Variants in PADI2 observed in about 807,000 individuals in gnomAD.
PADI2 encodes the protein peptidyl arginine deiminase 2, also known as protein-arginine deiminase type-2.
A neutral mutation model predicts 81.1 loss-of-function variants in PADI2; 70 were observed. The ratio of observed to expected loss-of-function variants is 0.86; its 90% CI spans 0.71 to 1.05. PADI2 has a LOEUF of 1.05. Among genes scored for constraint, PADI2 ranks in the 50% least tolerant of loss-of-function variants. The pLI, the probability that PADI2 is intolerant of heterozygous loss-of-function variation, is 0.00. For missense variants in PADI2, 853 were observed against 889.9 expected, an observed-to-expected ratio of 0.96 and a Z score of 0.53; for synonymous variants, 338 against 358.0, an observed-to-expected ratio of 0.94 and a Z score of 0.63.
chr1:17,092,231 G>A (rs112156823), intron 6 of PADI2, among the ~76,000 whole-genome samples, 177 bp downstream of exon 6: 58 of 152,162 alleles, frequency 3.8e-4, no homozygotes, highest in African/African-American at 1.3e-3. Flanking sequence ...GAGGAGGAGC[G>A]ATGTGTCCCC....
chr1:17,070,603 G>A (rs1463099948), intron 14 of PADI2, among the ~76,000 whole-genome samples: 5 of 152,192 alleles, frequency 3.3e-5, no homozygotes, highest in East Asian at 1.9e-4. Context: ...TGTTCTAAGC[G>A]CATTACATAG....
rs1175971684 is a variant in PADI2, at chr1:17,078,653, G to T, written c.1310+611C>A. ...TCTGCTTGCCTCGGCCTCCCAAAGT[G>T]CTGGGACTATAGGCATGGGCCACTG... On this transcript the variant is annotated intron_variant, in intron 11 of 15. Transcript: ENST00000375486. 2.0e-5 allele frequency among the ~76,000 whole-genome samples: 3 copies of T among 152,146 alleles called. No individual in the cohort carries two copies. The East Asian group carries it at 5.8e-4, about 29-fold the overall frequency.
At chr1:17,087,746 T>C (rs1251696335) in intron 6 of PADI2, among the ~76,000 whole-genome samples, 5 of 152,130 alleles carry the variant, frequency 3.3e-5, no homozygotes, top group South Asian at 4.1e-4. Context: ...CTTTAGTGAT[T>C]TGCCTGCCTT....
chr1:17,101,200 C>T (rs1275063455), intron 3 of PADI2, among the ~76,000 whole-genome samples: 3 of 152,146 alleles, frequency 2.0e-5, no homozygotes, highest in Non-Finnish European at 2.9e-5. Flanking sequence ...CAACTCTGAG[C>T]GGGCTTCCTC....
At chr1:17,078,338 C>T (rs1352881542) in intron 11 of PADI2, among the ~76,000 whole-genome samples, 2 of 152,058 alleles carry the variant, frequency 1.3e-5, no homozygotes, top group African/African-American at 4.8e-5. Context: ...CTCAAACTCC[C>T]GACCTCAGGT....
At chr1:17,069,584 T>C (rs1431908254) in intron 15 of PADI2, among the ~76,000 whole-genome samples, 1 of 152,184 alleles carries the variant, frequency 6.6e-6, no homozygotes, top group Non-Finnish European at 1.5e-5. Flanking sequence ...CACGTATGGG[T>C]ATGTATGCAT....
intron 11 of PADI2, among the ~76,000 whole-genome samples, chr1:17,078,815 C>T (rs891021012): frequency 1.3e-5 from 2 of 152,234 alleles, no homozygotes; most frequent in African/African-American, 4.8e-5. Flanking sequence ...CTCATCTCAG[C>T]TTCCTGAGTA....
chr1:17,088,451 G>A (rs1033786581), intron 6 of PADI2, among the ~76,000 whole-genome samples: 1 of 152,168 alleles, frequency 6.6e-6, no homozygotes, highest in African/African-American at 2.4e-5. Flanking sequence ...TGAGAAATAA[G>A]TGGATGAACC....
In PADI2 at chr1:17,070,154, G is replaced by A. The variant is rs2078254966; in HGVS notation, c.1698C>T (p.Ile566=). The part of the protein sequence containing the change: ...KKELGLTEQD[I]IDLPALFKMD... Reference sequence around the variant, plus strand: ...TCTTGAACAGAGCGGGCAGGTCAATGATGTCCTGCTCTGTCAGTCCCAGCT... The same window carrying A: ...TCTTGAACAGAGCGGGCAGGTCAATAATGTCCTGCTCTGTCAGTCCCAGCT... Residue 566 remains isoleucine (I), a synonymous_variant, in exon 15 of 16, where the codon ATC becomes ATT. Coordinates refer to ENST00000375486, the MANE Select transcript of PADI2 (RefSeq NM_007365.3). 6.2e-7 allele frequency: 1 copy of A among 1,614,014 alleles called. No individual in the cohort carries two copies. Among genetic ancestry groups the A allele is most frequent in the Non-Finnish European group, 8.5e-7 (1 of 1,179,868 alleles).
chr1:17,083,334 G>C (rs4989050), intron 9 of PADI2: 94,385 of 189,572 alleles, frequency 0.5, 24,945 homozygotes, highest in Non-Finnish European at 0.58. Flanking sequence ...GACAGAGCGA[G>C]ACCTCGTCTC....
At position 17,075,019 on chromosome 1, in the gene PADI2, C is replaced by A. The variant is rs771341829; in HGVS notation, c.1456-70G>T. 1.3e-5 allele frequency: 12 copies of A among 941,958 alleles called. No individual in the cohort carries two copies. The East Asian group carries it at 2.6e-4, about 20-fold the overall frequency. The allele number at this position is 941,958 out of a possible 1,614,324, so 58.3% of individuals were successfully genotyped here. A position where few individuals can be genotyped will look rare whatever the true frequency, so the allele number is the denominator to read the frequency against. ...ACCCAAGGAGCACGGGGAGGCCCTGCGCTGAGGACCCAGTGCCTTGCCTGC... is the reference window on the plus strand; with the variant it reads ...ACCCAAGGAGCACGGGGAGGCCCTGAGCTGAGGACCCAGTGCCTTGCCTGC... On this transcript the variant is annotated intron_variant, in intron 12 of 15. Transcript: ENST00000375486.
chr1:17,115,486 A>G lies in PADI2; in HGVS notation c.92+3794T>C, dbSNP rs1931724606. ...GCATAAGCCGAGGGAGGAACAGAAGAAGCCATTCCCAAGGCCCAGCTTGTG... is the reference window on the plus strand; with the variant it reads ...GCATAAGCCGAGGGAGGAACAGAAGGAGCCATTCCCAAGGCCCAGCTTGTG... On this transcript the variant is annotated intron_variant, in intron 1 of 15. Coordinates refer to ENST00000375486, the MANE Select transcript of PADI2 (RefSeq NM_007365.3). This position sits in a 1 kb window ranked among gnomAD's most constrained non-coding sequence, Gnocchi z 4.1. Among the ~76,000 whole-genome samples the G allele has an allele frequency of 6.6e-6, 1 of 152,222 alleles. No individual in the cohort carries two copies. The highest frequency in any genetic ancestry group is 1.5e-5 in the Non-Finnish European group (1 of 68,032).
chr1:17,088,925 A>AAAAAAAAAAAAAAAC (rs1557764604), intron 6 of PADI2, among the ~76,000 whole-genome samples: 3 of 83,392 alleles, frequency 3.6e-5, no homozygotes, highest in African/African-American at 1.6e-4. Flanking sequence ...AAAAAAAAAA[A>AAAAAAAAAAAAAAAC]AAAAAACCAA....
intron 3 of PADI2, among the ~76,000 whole-genome samples, chr1:17,098,505 T>C (rs1263666249): frequency 6.6e-6 from 1 of 152,234 alleles, no homozygotes; most frequent in Non-Finnish European, 1.5e-5. Flanking sequence ...TAACACACTG[T>C]TTCTAAAGAA....
rs1461223465 is a variant in PADI2 at position 17,079,326 on chromosome 1, TGG to T, written c.1246_1247del (p.Pro416SerfsTer33). 6.2e-7 allele frequency: 1 copy of T among 1,614,044 alleles called. No individual in the cohort carries two copies. Among genetic ancestry groups the T allele is most frequent in the East Asian group, 2.2e-5 (1 of 44,872 alleles). ...GGTATGTCTTGCCGTTCACGGTCAC[TGG>T]GGGACTGACCTCCAGGTTTCCAAAT... is the stretch of plus-strand genomic sequence containing the variant. Reference protein sequence around the residue: ...DSFGNLEVSPPVTVNGKTYPL... With the variant: ...DSFGNLEVSPXVTVNGKTYPL... On this transcript the variant is annotated frameshift_variant, in exon 11 of 16. Transcript: ENST00000375486. LOFTEE classifies it high-confidence loss of function.
chr1:17,113,297 C>T (rs1317905495), intron 1 of PADI2, among the ~76,000 whole-genome samples: 2 of 150,684 alleles, frequency 1.3e-5, no homozygotes, highest in Non-Finnish European at 3.0e-5. Flanking sequence ...TTTTTCTAAC[C>T]ACTAGACCAC....
In PADI2 at chr1:17,079,405, A is replaced by G; in HGVS notation, c.1169T>C (p.Phe390Ser). Residue 390 changes from phenylalanine (F) to serine (S), a missense_variant, in exon 11 of 16, where the codon TTT becomes TCT. Physicochemically the swap from Phe to Ser is radical, Grantham distance 155. Transcript: ENST00000375486. ...GAGGGGCTCCCGGGTCACGTAGCCA[A>G]AATCTGGGCCCTAGGCAGAGGGCAC... ...FPVKELLGPD[F>S]GYVTREPLFE... 1 of 1,613,920 alleles carries G rather than the reference A, an allele frequency of 6.2e-7. No homozygotes were observed.
intron 7 of PADI2, among the ~76,000 whole-genome samples, chr1:17,084,959 C>T (rs1353589313): frequency 1.3e-5 from 2 of 152,242 alleles, no homozygotes; most frequent in Non-Finnish European, 2.9e-5. Flanking sequence ...CCCAAGGTCA[C>T]ATGGTTGGTA....
At chr1:17,097,531 A>T (rs1334558184) in intron 3 of PADI2, among the ~76,000 whole-genome samples, 2 of 152,086 alleles carry the variant, frequency 1.3e-5, no homozygotes, top group Non-Finnish European at 2.9e-5. Context: ...TCCACATTTC[A>T]CTGCTGAGGA....
Sources: gnomAD v4.1 joint callset for allele counts (sites outside exome capture counted in the v4.1 genomes callset) on GRCh38, gnomAD v4.1.1 for gene constraint, Gnocchi (gnomAD v3.1) non-coding constraint, MANE v1.5 for transcripts, NCBI Gene and HGNC (gene_info 2026-07-23, HGNC 2026-07-21) for gene names.